ATP12A: variants seen among roughly 807,000 people sequenced by gnomAD.
ATP12A encodes the protein ATPase H+/K+ transporting non-gastric alpha2 subunit.
In ATP12A, 81 loss-of-function variants were observed where a neutral mutation model predicts 111.2. The observed-to-expected ratio is 0.73, with a 90% CI of 0.61 to 0.88. ATP12A has a LOEUF of 0.88. Ranked by LOEUF, ATP12A falls within the 40% of genes least tolerant of loss-of-function variation. The pLI is 0.00. For missense variants in ATP12A, 1,196 were observed against 1,313.1 expected (o/e 0.91, Z 1.38); for synonymous variants, 498 against 499.8 (o/e 1.00, Z 0.05).
At chr13:24,708,496 G>A (rs1409074460) in intron 17 of ATP12A, among the ~76,000 whole-genome samples, 2 of 152,072 alleles carry the variant, frequency 1.3e-5, no homozygotes, top group Non-Finnish European at 2.9e-5. Context: ...AAAGTTGATG[G>A]ATCATTTTCC....
intron 10 of ATP12A, among the ~76,000 whole-genome samples, chr13:24,694,214 C>A (rs776534842): frequency 3.3e-5 from 5 of 152,160 alleles, no homozygotes; most frequent in African/African-American, 4.8e-5. Flanking sequence ...CTTTTTTCCA[C>A]GAAATCTTCA....
At position 24,705,610 on chromosome 13, in the gene ATP12A, T is replaced by A. The variant is rs570115475; in HGVS notation, c.2019-703T>A. Among the ~76,000 whole-genome samples the A allele has an allele frequency of 3.3e-5, 5 of 152,314 alleles. No homozygotes were observed. In the South Asian group the frequency reaches 1.0e-3, roughly 32 times the overall value. ...CCAACGGCAAGTAATTATTACCCCT[T>A]GTTTGGCCATAAAAGAATTCTAGGA... On this transcript the variant is annotated intron_variant, in intron 14 of 22. Transcript: ENST00000381946.
In ATP12A at chr13:24,698,784, A is replaced by G. The variant is rs1218840976; in HGVS notation, c.1639A>G (p.Lys547Glu). ...MINGEEHPLD[K>E]STAKTFHTAY... ...CAACGGCGAGGAGCACCCACTGGAC[A>G]AGAGCACTGCCAAGACCTTCCACAC... Residue 547 changes from lysine (K) to glutamate (E), a missense_variant, in exon 12 of 23, where the codon AAG (lysine) becomes GAG (glutamate). By Grantham distance (56) the Lys-to-Glu change is moderately conservative (BLOSUM62 1). Transcript: ENST00000381946. 2.5e-6 allele frequency: 4 copies of G among 1,614,090 alleles called. No homozygotes were observed. Among genetic ancestry groups the G allele is most frequent in the African/African-American group, 1.3e-5 (1 of 75,046 alleles).
At chr13:24,684,592 A>T (rs1182881090) in intron 2 of ATP12A, among the ~76,000 whole-genome samples, 2 of 152,192 alleles carry the variant, frequency 1.3e-5, no homozygotes, top group African/African-American at 4.8e-5. Flanking sequence ...CCCCTCTCCC[A>T]GGGGAAAAAT....
intron 2 of ATP12A, among the ~76,000 whole-genome samples, chr13:24,683,676 T>G (rs919039081): frequency 6.6e-6 from 1 of 152,194 alleles, no homozygotes; most frequent in Admixed American, 6.5e-5. Context: ...CCAGTGTAAC[T>G]GAAGTTCAGT....
At chr13:24,704,806 C>G (rs1396562351) in intron 14 of ATP12A, 2 of 164,666 alleles carry the variant, frequency 1.2e-5, no homozygotes, top group Non-Finnish European at 2.7e-5. Context: ...GTCACTGCCA[C>G]TCTGCTCATG....
intron 5 of ATP12A, among the ~76,000 whole-genome samples, chr13:24,689,840 GA>G (rs1321994360): frequency 6.6e-6 from 1 of 152,190 alleles, no homozygotes; most frequent in Non-Finnish European, 1.5e-5. Flanking sequence ...GGGCTGGAGA[GA>G]TTCTGGGTGG....
Position 24,685,067 on chromosome 13 carries a change from G to A in ATP12A, c.169-247G>A, listed in dbSNP as rs1874620343. Among the ~76,000 whole-genome samples the A allele has an allele frequency of 6.6e-6, 1 of 152,170 alleles. No homozygotes were observed. Among genetic ancestry groups the A allele is most frequent in the African/African-American group, 2.4e-5 (1 of 41,442 alleles). On this transcript the variant is annotated intron_variant, in intron 2 of 22. Transcript: ENST00000381946. This position sits in a 1 kb window ranked among gnomAD's most constrained non-coding sequence, Gnocchi z 5.5. ...ATGGCTTTGTTCAGAAAAGCTGCAG[G>A]CAGCTTCTGGGTAGTAACAGCAAGT...
At chr13:24,683,433 A>G (rs149351263) in intron 2 of ATP12A, among the ~76,000 whole-genome samples, 1 of 152,202 alleles carries the variant, frequency 6.6e-6, no homozygotes, top group African/African-American at 2.4e-5. Flanking sequence ...TTTGTGCTAG[A>G]GAGCCATTTG....
At chr13:24,697,141 T>C (rs1875201403) in intron 11 of ATP12A, among the ~76,000 whole-genome samples, 1 of 152,198 alleles carries the variant, frequency 6.6e-6, no homozygotes, top group African/African-American at 2.4e-5. Flanking sequence ...TAGCCACCTA[T>C]TGCTCAGTGA....
Position 24,709,453 on chromosome 13 carries a change from C to A in ATP12A, c.2583C>A (p.Asn861Lys). ...ACAAGAATAAGGACAGGCTGGTGAA[C>A]CAGCCGCTCGCTGTGTACTCATACC... Reference protein sequence around the residue: ...PRHKNKDRLVNQPLAVYSYLH... With the variant: ...PRHKNKDRLVKQPLAVYSYLH... Residue 861 changes from asparagine to lysine, a missense_variant, in exon 18 of 23, where the codon AAC becomes AAA. Asn to Lys is a moderately conservative substitution (Grantham distance 94). Transcript: ENST00000381946. 1 of 1,614,018 alleles carries A rather than the reference C, an allele frequency of 6.2e-7. No homozygotes were observed. Among genetic ancestry groups the A allele is most frequent in the African/African-American group, 1.3e-5 (1 of 75,022 alleles).
At chr13:24,696,395 C>T (rs896123754) in intron 11 of ATP12A, among the ~76,000 whole-genome samples, 1 of 152,074 alleles carries the variant, frequency 6.6e-6, no homozygotes, top group Non-Finnish European at 1.5e-5. Context: ...AAAGTGGCTA[C>T]ACAGAGTGGG....
At chr13:24,681,879 G>GGTGTGTGTGTGTGGTGTATGTGTGGTGT (rs1874450433) in intron 2 of ATP12A, among the ~76,000 whole-genome samples, 159 bp downstream of exon 2, 1 of 148,466 alleles carries the variant, frequency 6.7e-6, no homozygotes, top group Admixed American at 6.8e-5. Context: ...GTGTCTGTGT[G>GGTGTGTGTGTGTGGTGTATGTGTGGTGT]GTGTGTGTGT....
At position 24,698,687 on chromosome 13, in the gene ATP12A, C is replaced by A. The variant is rs200072702; in HGVS notation, c.1542C>A (p.His514Gln). Residue 514 changes from histidine to glutamine, a missense_variant, in exon 12 of 23, where the codon CAC becomes CAA. This residue lies in a region of ATP12A where 1,126 missense variants were observed against 1,228.5 expected (regional missense o/e 0.92). Transcript: ENST00000381946. ...CCATCCACGAGATGGATGACCCCCA[C>A]GGCAAGCGCTTCCTCATGGTGATGA... is the stretch of plus-strand genomic sequence containing the variant. ...QLSIHEMDDPHGKRFLMVMKG... is the reference protein window; with the variant it reads ...QLSIHEMDDPQGKRFLMVMKG... 1.2e-6 allele frequency: 2 copies of A among 1,613,772 alleles called. No individual in the cohort carries two copies. The highest frequency in any genetic ancestry group is 1.7e-6 in the Non-Finnish European group (2 of 1,180,000).
chr13:24,683,264 G>C lies in ATP12A; in HGVS notation c.168+1544G>C, dbSNP rs118067132. On this transcript the variant is annotated intron_variant, in intron 2 of 22. Coordinates refer to ENST00000381946, the MANE Select transcript of ATP12A (RefSeq NM_001676.7). Reference sequence around the variant, plus strand: ...TGAGCCACTGTGTCCAGCCCAAACTGGCCACTTTAATAATAAAACTGCCTT... The same window carrying C: ...TGAGCCACTGTGTCCAGCCCAAACTCGCCACTTTAATAATAAAACTGCCTT... 4.3e-4 allele frequency among the ~76,000 whole-genome samples: 65 copies of C among 152,208 alleles called. No homozygotes were observed. The East Asian group carries it at 0.012, about 27-fold the overall frequency.
At chr13:24,703,030 A>G (rs1264442770) in intron 14 of ATP12A, among the ~76,000 whole-genome samples, 3 of 152,218 alleles carry the variant, frequency 2.0e-5, no homozygotes, top group African/African-American at 4.8e-5. Context: ...CACAGCTGTC[A>G]GGTCATAACA....
At chr13:24,691,340 C>A (rs1213662922) in intron 8 of ATP12A, 90 bp downstream of exon 8, 19 of 1,454,052 alleles carry the variant, frequency 1.3e-5, no homozygotes, top group East Asian at 2.3e-5. Context: ...CAATCTCCCC[C>A]AAGTCCAGAG....
At chr13:24,695,303 G>C (rs969325031) in intron 11 of ATP12A, among the ~76,000 whole-genome samples, 1 of 152,164 alleles carries the variant, frequency 6.6e-6, no homozygotes. Context: ...TGTGGGTGGG[G>C]GTCTCCTTTC....
intron 5 of ATP12A, among the ~76,000 whole-genome samples, chr13:24,689,964 C>T (rs1874811176): frequency 6.6e-6 from 1 of 152,134 alleles, no homozygotes; most frequent in South Asian, 2.1e-4. Flanking sequence ...GCCCAGACGC[C>T]CAGCCAGGAT....
Sources: allele counts gnomAD v4.1 joint callset (sites outside exome capture counted in the v4.1 genomes callset), GRCh38; gene constraint gnomAD v4.1.1; regional missense constraint gnomAD v4.1.1; non-coding constraint Gnocchi (gnomAD v3.1); transcripts MANE v1.5; gene names NCBI Gene and HGNC (gene_info 2026-07-23, HGNC 2026-07-21).